The following ZNF536 variants were observed in gnomAD, a reference collection of about 807,000 sequenced individuals.
The protein encoded by ZNF536 is zinc finger protein 536.
A neutral mutation model predicts 84.5 loss-of-function variants in ZNF536; 13 were observed. That is an observed-to-expected ratio of 0.15 (90% CI 0.10 to 0.24). The LOEUF (loss-of-function observed/expected upper bound fraction) is 0.24. ZNF536 is among the 10% of genes least tolerant of loss of function. ZNF536 has a pLI of 1.00. For synonymous variants in ZNF536, 811 were observed against 742.5 expected, an observed-to-expected ratio of 1.09 and a Z score of -1.50; for missense variants, 1,536 against 1,747.5, an observed-to-expected ratio of 0.88 and a Z score of 2.16.
chr19:30,639,330 A>G (rs947568639), intron 1 of ZNF536, among the ~76,000 whole-genome samples: 6 of 152,248 alleles, frequency 3.9e-5, no homozygotes, highest in African/African-American at 1.4e-4. Flanking sequence ...AACCTGGTGT[A>G]CCCGAAGTAT....
Position 30,548,029 on chromosome 19 carries a change from G to A in ZNF536, c.2410G>A (p.Glu804Lys), listed in dbSNP as rs2146178039. 6.2e-7 allele frequency: 1 copy of A among 1,613,846 alleles called. No homozygotes were observed. Among genetic ancestry groups the A allele is most frequent in the Non-Finnish European group, 8.5e-7 (1 of 1,179,918 alleles). The change falls in exon 4 of 5, where the codon GAG (glutamate) becomes AAG (lysine). Residue 804 changes from glutamate to lysine, a missense_variant. By Grantham distance (56) the Glu-to-Lys change is moderately conservative. Transcript: ENST00000355537. ...LKYHLERHHR[E>K]RQNGAGPLSG... The stretch of plus-strand genomic sequence containing the variant: ...ATACCACTTAGAGCGACACCATCGG[G>A]AGCGGCAGAACGGGGCTGGGCCGCT...
rs181975881 is a variant in ZNF536 at position 30,280,843 on chromosome 19, G to A, written c.-189-3229G>A. Among the ~76,000 whole-genome samples, 9 of 152,310 alleles carry A rather than the reference G, an allele frequency of 5.9e-5. No individual in the cohort carries two copies. In the East Asian group the frequency reaches 1.7e-3, roughly 30 times the overall value. ...CTCTGGGACGATATGGGAGGGAGGA[G>A]GGTGCCTCATCCCCTGTGGGGAGCC... On this transcript the variant is annotated intron_variant, in intron 1 of 5. Coordinates refer to the ZNF536 transcript ENST00000585628.
At chr19:30,669,560 G>C (rs2050464872) in intron 1 of ZNF536, among the ~76,000 whole-genome samples, 1 of 152,180 alleles carries the variant, frequency 6.6e-6, no homozygotes, top group Non-Finnish European at 1.5e-5. Flanking sequence ...CCTCAGCCCC[G>C]GAGAATCCCA....
chr19:30,657,777 C>CCT (rs1444127880), intron 1 of ZNF536, among the ~76,000 whole-genome samples: 1 of 152,156 alleles, frequency 6.6e-6, no homozygotes, highest in Non-Finnish European at 1.5e-5. Flanking sequence ...CTTGATTTCT[C>CCT]CTCTCTCTCC....
intron 1 of ZNF536, among the ~76,000 whole-genome samples, chr19:30,383,915 TTTCCC>T (rs1322639290): frequency 9.3e-4 from 31 of 33,370 alleles, no homozygotes; most frequent in East Asian, 6.2e-3. Context: ...CCTTTCTTCC[TTTCCC>T]TTCCCTTCCC....
chr19:30,621,349 A>G (rs1232551852), intron 1 of ZNF536, among the ~76,000 whole-genome samples: 1 of 152,010 alleles, frequency 6.6e-6, no homozygotes, highest in African/African-American at 2.4e-5. Flanking sequence ...CTTCTCACAT[A>G]TCGTGCCAGA....
intron 3 of ZNF536, among the ~76,000 whole-genome samples, chr19:30,537,390 G>A (rs1403984363): frequency 6.6e-6 from 1 of 152,214 alleles, no homozygotes; most frequent in Non-Finnish European, 1.5e-5. Context: ...GCCTGCAGGA[G>A]TGTGGAAACC....
At chr19:30,292,489 A>G (rs1210790161) in intron 2 of ZNF536, among the ~76,000 whole-genome samples, 1 of 151,772 alleles carries the variant, frequency 6.6e-6, no homozygotes, top group Non-Finnish European at 1.5e-5. Context: ...ATGCACCATC[A>G]CACTACTTTG....
At chr19:30,607,314 A>G (rs900134456) in intron 1 of ZNF536, among the ~76,000 whole-genome samples, 1 of 151,910 alleles carries the variant, frequency 6.6e-6, no homozygotes, top group Non-Finnish European at 1.5e-5. Context: ...GAGGCTTTCT[A>G]TTGACATTTT....
intron 1 of ZNF536, among the ~76,000 whole-genome samples, chr19:30,621,156 C>A (rs1600055094): frequency 6.6e-6 from 1 of 151,800 alleles, no homozygotes; most frequent in South Asian, 2.1e-4. Flanking sequence ...ACTTGCTTGG[C>A]AGGGAAGGGG....
chr19:30,603,627 G>A (rs1599953803), intron 1 of ZNF536, among the ~76,000 whole-genome samples: 2 of 152,164 alleles, frequency 1.3e-5, no homozygotes, highest in East Asian at 3.8e-4. Context: ...AGGAAAACAA[G>A]GAGGGGGCAC....
intron 2 of ZNF536, among the ~76,000 whole-genome samples, chr19:30,448,696 T>G (rs1391612977): frequency 6.6e-6 from 1 of 152,220 alleles, no homozygotes; most frequent in Non-Finnish European, 1.5e-5. Context: ...TGATAGTAGT[T>G]CTGAATTCAT....
intron 1 of ZNF536, among the ~76,000 whole-genome samples, chr19:30,638,852 T>C (rs1040066153): frequency 2.6e-5 from 4 of 152,218 alleles, no homozygotes; most frequent in Non-Finnish European, 5.9e-5. Context: ...GGAATCTTCT[T>C]CCAGCTAACT....
At chr19:30,510,310 G>A (rs1423842465) in intron 2 of ZNF536, among the ~76,000 whole-genome samples, 1 of 152,208 alleles carries the variant, frequency 6.6e-6, no homozygotes, top group African/African-American at 2.4e-5. Context: ...TACGCAGATT[G>A]TTAATGTGCC....
chr19:30,239,162 G>C (rs552080085), intron 1 of ZNF536, among the ~76,000 whole-genome samples: 1 of 152,294 alleles, frequency 6.6e-6, no homozygotes, highest in South Asian at 2.1e-4. Flanking sequence ...GCTGTATGAA[G>C]AAGCAAGCCT....
intron 1 of ZNF536, among the ~76,000 whole-genome samples, chr19:30,283,720 C>T (rs568189151): frequency 3.5e-5 from 5 of 141,986 alleles, no homozygotes; most frequent in African/African-American, 1.1e-4. Flanking sequence ...AGAGAGACAG[C>T]GAGAGAGAAA....
Position 30,549,222 on chromosome 19 carries a change from C to T in ZNF536, c.3603C>T (p.Ser1201=), listed in dbSNP as rs1399686785. The T allele has an allele frequency of 6.2e-7, 1 of 1,614,106 alleles. No homozygotes were observed. The highest frequency in any genetic ancestry group is 1.7e-5 in the Admixed American group (1 of 60,030). ...TKPLSALSKD[S]SSDGGDSLQP... ...CACTGTCTGCCCTCAGCAAAGACAGCAGCAGCGATGGCGGGGACAGCCTGC... is the reference window on the plus strand; with the variant it reads ...CACTGTCTGCCCTCAGCAAAGACAGTAGCAGCGATGGCGGGGACAGCCTGC... The change falls in exon 4 of 5, where the codon AGC becomes AGT. Residue 1201 remains serine, a synonymous_variant. Coordinates refer to ENST00000355537, the MANE Select transcript of ZNF536 (RefSeq NM_014717.3).
intron 2 of ZNF536, among the ~76,000 whole-genome samples, chr19:30,336,226 T>C (rs376900406): frequency 6.6e-6 from 1 of 152,182 alleles, no homozygotes; most frequent in Non-Finnish European, 1.5e-5. Flanking sequence ...CTATTACATA[T>C]TTACTGGTGT....
chr19:30,319,281 G>C (rs1432313329), intron 2 of ZNF536, among the ~76,000 whole-genome samples: 1 of 152,088 alleles, frequency 6.6e-6, no homozygotes, highest in African/African-American at 2.4e-5. Flanking sequence ...ATGATATTCT[G>C]CCTTTATTTA....
Sources: allele counts gnomAD v4.1 joint callset (sites outside exome capture counted in the v4.1 genomes callset), GRCh38; gene constraint gnomAD v4.1.1; transcripts MANE v1.5; gene names NCBI Gene and HGNC (gene_info 2026-07-23, HGNC 2026-07-21).